Variants in EMP1 observed in about 807,000 individuals in gnomAD.
EMP1 encodes the protein tumor-associated membrane protein.
Under a neutral mutation model 15.7 loss-of-function variants are expected in EMP1, and 5 were observed. That is an observed-to-expected ratio of 0.32 (90% CI 0.17 to 0.67). The LOEUF is 0.67. Among genes scored for constraint, EMP1 ranks in the 30% least tolerant of loss-of-function variants. The pLI, the probability that EMP1 is intolerant of heterozygous loss-of-function variation, is 0.74. For missense variants in EMP1, 166 were observed against 194.2 expected, an observed-to-expected ratio of 0.85 and a Z score of 0.86; for synonymous variants, 78 against 76.7, an observed-to-expected ratio of 1.02 and a Z score of -0.09.
chr12:13,200,912 G>A (rs1864059586), intron 1 of EMP1, among the ~76,000 whole-genome samples: 2 of 152,212 alleles, frequency 1.3e-5, no homozygotes, highest in Admixed American at 1.3e-4. Flanking sequence ...TTCATGAATT[G>A]TTTCTTCAAA....
intron 1 of EMP1, among the ~76,000 whole-genome samples, chr12:13,210,545 T>G (rs922868750): frequency 3.9e-5 from 6 of 152,240 alleles, no homozygotes; most frequent in Non-Finnish European, 7.3e-5. Flanking sequence ...ACATTCTTAA[T>G]CGATATTAGT....
intron 1 of EMP1, among the ~76,000 whole-genome samples, chr12:13,210,328 T>G (rs546335588): frequency 6.6e-6 from 1 of 152,358 alleles, no homozygotes; most frequent in Non-Finnish European, 1.5e-5. Context: ...GTGAATAACC[T>G]CAAGCCCTTT....
intron 1 of EMP1, among the ~76,000 whole-genome samples, chr12:13,207,879 C>T (rs898359694): frequency 3.5e-4 from 54 of 152,184 alleles, no homozygotes; most frequent in African/African-American, 1.3e-3. Context: ...AGTCTAAGCA[C>T]CACAAATGAA....
intron 1 of EMP1, among the ~76,000 whole-genome samples, chr12:13,206,604 C>G (rs996292531): frequency 4.6e-5 from 7 of 152,208 alleles, no homozygotes; most frequent in African/African-American, 1.7e-4. Flanking sequence ...TTTTAGGTCA[C>G]TCTTAAAGAA....
rs749022681 is a variant in EMP1, at chr12:13,214,718, G to T, written c.*27G>T. 3 of 1,605,706 alleles carry T rather than the reference G, an allele frequency of 1.9e-6. No individual in the cohort carries two copies. The highest frequency in any genetic ancestry group is 2.3e-5 in the East Asian group (1 of 44,340). ...GCCGGACGAGTTCATGGGGATCTGG[G>T]GGGTGGGGAGGAGGAAGCCGTTGAA... On this transcript the variant is annotated 3_prime_UTR_variant, in exon 5 of 5. Transcript: ENST00000256951.
chr12:13,201,630 C>T (rs915194181), intron 1 of EMP1, among the ~76,000 whole-genome samples: 3 of 152,142 alleles, frequency 2.0e-5, no homozygotes, highest in South Asian at 2.1e-4. Context: ...TGAGGACCCA[C>T]GGAGCCTCCT....
rs186155568 is a variant in EMP1, at chr12:13,214,478, T to A, written c.317-56T>A. 2.8e-4 allele frequency: 436 copies of A among 1,584,094 alleles called. 2 individuals carry two copies. In the African/African-American group the frequency reaches 5.4e-3, roughly 20 times the overall value. On this transcript the variant is annotated intron_variant, in intron 4 of 4. Coordinates refer to ENST00000256951, the MANE Select transcript of EMP1 (RefSeq NM_001423.3). Reference sequence around the variant, plus strand: ...AGGATCTTCTTAAAATTAGTAAAACTTTTTCTCGACTTTAATGTAAGAAAA... The same window carrying A: ...AGGATCTTCTTAAAATTAGTAAAACATTTTCTCGACTTTAATGTAAGAAAA...
intron 1 of EMP1, among the ~76,000 whole-genome samples, chr12:13,210,802 T>C (rs1864158545): frequency 6.6e-6 from 1 of 152,276 alleles, no homozygotes; most frequent in African/African-American, 2.4e-5. Context: ...GTAGTAATAC[T>C]AGTCTGAAAT....
At chr12:13,210,064 A>G (rs80053241) in intron 1 of EMP1, among the ~76,000 whole-genome samples, 12,583 of 152,230 alleles carry the variant, frequency 0.083, 723 homozygotes, top group East Asian at 0.22. Flanking sequence ...AGGCACCCTG[A>G]TGTATATTAG....
intron 1 of EMP1, among the ~76,000 whole-genome samples, chr12:13,207,345 G>A (rs557628722): frequency 7.9e-5 from 12 of 152,160 alleles, no homozygotes; most frequent in African/African-American, 9.6e-5. Context: ...ACTCCCTCAG[G>A]GTTATTTCTA....
intron 1 of EMP1, among the ~76,000 whole-genome samples, chr12:13,203,512 C>T (rs577037804): frequency 1.1e-4 from 17 of 152,366 alleles, no homozygotes; most frequent in African/African-American, 3.6e-4. Flanking sequence ...TTTGCAAAAA[C>T]AATATTCATG....
Position 13,213,498 on chromosome 12 carries a change from C to T in EMP1, c.98C>T (p.Thr33Met), listed in dbSNP as rs148486500. The T allele has an allele frequency of 5.5e-5, 89 of 1,614,114 alleles. No individual in the cohort carries two copies. In the South Asian group the frequency reaches 5.9e-4, roughly 11 times the overall value. Residue 33 changes from threonine (T) to methionine (M), a missense_variant, in exon 3 of 5, where the codon ACG becomes ATG. Thr to Met is a moderately conservative substitution (Grantham distance 81, BLOSUM62 -1). Coordinates refer to ENST00000256951, the MANE Select transcript of EMP1 (RefSeq NM_001423.3). The part of the protein sequence containing the change: ...TIANVWLVSN[T>M]VDASVGLWKN... ...TTTCAGGTCTGGTTGGTTTCCAATA[C>T]GGTAGATGCATCAGTAGGTCTTTGG... is the stretch of plus-strand genomic sequence containing the variant.
chr12:13,214,304 C>T (rs1331842268), intron 4 of EMP1: 4 of 622,564 alleles, frequency 6.4e-6, no homozygotes, highest in East Asian at 2.8e-5. Context: ...TACATCACAG[C>T]GTGGCCACAC....
intron 1 of EMP1, among the ~76,000 whole-genome samples, chr12:13,201,006 G>C (rs1163391382): frequency 6.6e-6 from 1 of 152,210 alleles, no homozygotes; most frequent in Non-Finnish European, 1.5e-5. Flanking sequence ...CAGCTGACTA[G>C]GAAGACAGAG....
At position 13,217,689 on chromosome 12, in the gene EMP1, A is replaced by G. The variant is rs1864226515; in HGVS notation, c.*2998A>G. On this transcript the variant is annotated 3_prime_UTR_variant, in exon 5 of 5. Transcript: ENST00000256951. ...CTGCAACAAACTCCTAGCTCTATCC[A>G]GAGTGTCCTCTGCTGCTAAGATTGG... 6.6e-6 allele frequency: 1 copy of G among 152,204 alleles called. No homozygotes were observed. The highest frequency in any genetic ancestry group is 1.5e-5 in the Non-Finnish European group (1 of 68,052). The allele number at this position is 152,204 out of a possible 1,614,324, so 9.4% of individuals were successfully genotyped here.
intron 2 of EMP1, 137 bp from the exon 3 acceptor site, chr12:13,213,342 A>T (rs537037334): frequency 2.6e-6 from 2 of 763,922 alleles, no homozygotes; most frequent in South Asian, 3.7e-5. Context: ...CCGCCCACAG[A>T]TAAGCTGCAT....
intron 2 of EMP1, 159 bp from the exon 3 acceptor site, chr12:13,213,320 C>A: frequency 7.5e-6 from 5 of 670,934 alleles, no homozygotes; most frequent in Non-Finnish European, 1.3e-5. Flanking sequence ...CAGTTTTAAT[C>A]GGACCTTATT....
chr12:13,214,485 C>T (rs758463197), intron 4 of EMP1, 49 bp from the exon 5 acceptor site: 17 of 1,583,240 alleles, frequency 1.1e-5, no homozygotes, highest in South Asian at 4.6e-5. Context: ...AACTTTTTCT[C>T]GACTTTAATG....
rs1272325587 is a variant in EMP1, at chr12:13,216,768, C to A, written c.*2077C>A. ...AGGGATATAAAAACAGATTCTGATT[C>A]CCTTCATTGTGTGAATGTTTTTTTC... On this transcript the variant is annotated 3_prime_UTR_variant, in exon 5 of 5. Coordinates refer to ENST00000256951, the MANE Select transcript of EMP1 (RefSeq NM_001423.3). 1 of 258,548 alleles carries A rather than the reference C, an allele frequency of 3.9e-6. No individual in the cohort carries two copies. Among genetic ancestry groups the A allele is most frequent in the African/African-American group, 2.2e-5 (1 of 45,150 alleles). 16.0% of individuals were successfully genotyped at this position (258,548 alleles called of 1,614,324 possible).
Sources: allele counts gnomAD v4.1 joint callset (sites outside exome capture counted in the v4.1 genomes callset), GRCh38; gene constraint gnomAD v4.1.1; transcripts MANE v1.5; gene names NCBI Gene and HGNC (gene_info 2026-07-23, HGNC 2026-07-21).